CHSY3: variants seen among roughly 807,000 people sequenced by gnomAD.
CHSY3 encodes N-acetylgalactosaminyl-proteoglycan 3-beta-glucuronosyltransferase 3.
In CHSY3, 35 loss-of-function variants were observed where a neutral mutation model predicts 67.2. The observed-to-expected ratio is 0.52, with a 90% confidence interval of 0.40 to 0.69. The LOEUF (loss-of-function observed/expected upper bound fraction) is 0.69, where lower values mean the gene tolerates loss of function less well. CHSY3 is among the 30% of genes least tolerant of loss of function. The pLI, the probability that CHSY3 is intolerant of heterozygous loss-of-function variation, is 0.00. For missense variants in CHSY3, 1,069 were observed against 1,138.5 expected, an observed-to-expected ratio of 0.94 and a Z score of 0.88; for synonymous variants, 474 against 434.7, an observed-to-expected ratio of 1.09 and a Z score of -1.12.
At chr5:129,986,694 G>A (rs527644811) in intron 2 of CHSY3, among the ~76,000 whole-genome samples, 2 of 152,172 alleles carry the variant, frequency 1.3e-5, no homozygotes, top group East Asian at 1.9e-4. Flanking sequence ...CCAGGCTAGA[G>A]TACAGCGGCA....
intron 2 of CHSY3, among the ~76,000 whole-genome samples, chr5:129,984,076 T>A (rs1763100560): frequency 6.6e-6 from 1 of 152,120 alleles, no homozygotes; most frequent in Non-Finnish European, 1.5e-5. Flanking sequence ...ACAAATTTGT[T>A]ACATGGGTAA....
intron 2 of CHSY3, among the ~76,000 whole-genome samples, chr5:130,162,057 A>AAAAAAAAAAAAAAAG (rs1554087189): frequency 1.3e-4 from 16 of 122,978 alleles, no homozygotes; most frequent in Non-Finnish European, 2.3e-4. Context: ...AAAAAAAAAA[A>AAAAAAAAAAAAAAAG]AAAGAAAGAA....
intron 2 of CHSY3, among the ~76,000 whole-genome samples, chr5:129,965,169 A>G (rs1375661393): frequency 2.0e-5 from 3 of 151,892 alleles, no homozygotes; most frequent in Non-Finnish European, 4.4e-5. Flanking sequence ...TATTTTGTGG[A>G]AAGAGCTCTG....
Position 129,908,266 on chromosome 5 carries a change from A to G in CHSY3, c.992A>G (p.Glu331Gly), listed in dbSNP as rs757078868. Residue 331 changes from glutamate to glycine, a missense_variant, in exon 2 of 3, where the codon GAA becomes GGA. Glu to Gly is a moderately conservative substitution (Grantham distance 98). Coordinates refer to ENST00000305031, the MANE Select transcript of CHSY3 (RefSeq NM_175856.5). ...AGGAGGATGGTGCCACATATTGGTG[A>G]ATGCCTTAGAGAAATGTACACGACT... ...VLRRMVPHIG[E>G]CLREMYTTHE... The G allele has an allele frequency of 8.7e-6, 14 of 1,613,982 alleles. No individual in the cohort carries two copies. Among genetic ancestry groups the G allele is most frequent in the Non-Finnish European group, 1.2e-5 (14 of 1,180,036 alleles).
rs73785809 is a variant in CHSY3 at position 129,916,374 on chromosome 5, G to A, written c.1086+8014G>A. Among the ~76,000 whole-genome samples the A allele has an allele frequency of 2.4e-3, 361 of 152,288 alleles. 4 individuals are homozygous for A. Among genetic ancestry groups the A allele is most frequent in the African/African-American group, 8.5e-3 (353 of 41,566 alleles). On this transcript the variant is annotated intron_variant, in intron 2 of 2. Transcript: ENST00000305031. ...ACAGGATGGCCCCCCAAACCGCGGA[G>A]CACAGAAGAGGTTCAGAGAATTCTA...
intron 2 of CHSY3, chr5:130,001,529 G>T (rs1212019597): frequency 2.1e-6 from 2 of 940,674 alleles, no homozygotes; most frequent in Non-Finnish European, 2.5e-6. Context: ...TGAGAACCAA[G>T]ATACGCAGGA....
intron 2 of CHSY3, among the ~76,000 whole-genome samples, chr5:129,994,483 C>T (rs1429913477): frequency 6.6e-6 from 1 of 152,110 alleles, no homozygotes; most frequent in African/African-American, 2.4e-5. Context: ...CACTGATACC[C>T]TTTCTTCCAG....
intron 2 of CHSY3, among the ~76,000 whole-genome samples, chr5:130,050,515 G>T (rs1765308015): frequency 6.6e-6 from 1 of 152,040 alleles, no homozygotes; most frequent in Non-Finnish European, 1.5e-5. Context: ...TAATAATTTT[G>T]TCTAATATTG....
chr5:130,134,689 G>C (rs1403250180), intron 2 of CHSY3, among the ~76,000 whole-genome samples: 2 of 152,236 alleles, frequency 1.3e-5, no homozygotes, highest in South Asian at 4.1e-4. Flanking sequence ...ATTTTTTAAT[G>C]TAGTTTTGTT....
intron 2 of CHSY3, among the ~76,000 whole-genome samples, chr5:130,178,021 G>A (rs1770107412): frequency 6.7e-6 from 1 of 150,216 alleles, no homozygotes; most frequent in Admixed American, 6.6e-5. Flanking sequence ...TAAAATTTCT[G>A]TTATATTTTA....
intron 2 of CHSY3, among the ~76,000 whole-genome samples, chr5:129,993,871 G>A (rs2149632520): frequency 6.6e-6 from 1 of 151,776 alleles, no homozygotes; most frequent in African/African-American, 2.4e-5. Flanking sequence ...TCCATGTTTA[G>A]TGCTTCCTTC....
intron 2 of CHSY3, among the ~76,000 whole-genome samples, chr5:130,087,134 A>G (rs1766666269): frequency 6.6e-6 from 1 of 152,084 alleles, no homozygotes; most frequent in South Asian, 2.1e-4. Flanking sequence ...TTATCTCAAT[A>G]GATGCAGAAA....
chr5:130,070,875 T>A (rs1220686458), intron 2 of CHSY3, among the ~76,000 whole-genome samples: 1 of 152,094 alleles, frequency 6.6e-6, no homozygotes, highest in Non-Finnish European at 1.5e-5. Context: ...GCTTTAAGAC[T>A]CAGATTTGTT....
chr5:130,059,936 T>C (rs1380356805), intron 2 of CHSY3, among the ~76,000 whole-genome samples: 1 of 152,042 alleles, frequency 6.6e-6, no homozygotes, highest in Non-Finnish European at 1.5e-5. Flanking sequence ...GCTATATTTA[T>C]TAATAACATC....
intron 2 of CHSY3, among the ~76,000 whole-genome samples, chr5:130,112,970 T>C (rs1347091496): frequency 3.9e-5 from 6 of 152,132 alleles, no homozygotes; most frequent in Non-Finnish European, 4.4e-5. Context: ...ACATAGTCAT[T>C]TGTAGCTTAT....
chr5:129,947,668 G>A (rs1761900584), intron 2 of CHSY3, among the ~76,000 whole-genome samples: 1 of 151,710 alleles, frequency 6.6e-6, no homozygotes, highest in Non-Finnish European at 1.5e-5. Context: ...TTTGGGTGGG[G>A]GCACAGCCAA....
intron 2 of CHSY3, among the ~76,000 whole-genome samples, chr5:129,959,360 T>C (rs1446391534): frequency 1.3e-5 from 2 of 152,112 alleles, no homozygotes; most frequent in South Asian, 4.1e-4. Flanking sequence ...TTTGATGCTT[T>C]CACATTTCCT....
At chr5:130,172,091 A>C (rs1270812743) in intron 2 of CHSY3, among the ~76,000 whole-genome samples, 1 of 152,066 alleles carries the variant, frequency 6.6e-6, no homozygotes, top group East Asian at 1.9e-4. Flanking sequence ...CTAGGATTAT[A>C]GTGTGCAAAA....
intron 2 of CHSY3, among the ~76,000 whole-genome samples, chr5:129,944,920 GT>G (rs568923343): frequency 6.6e-6 from 1 of 152,094 alleles, no homozygotes; most frequent in East Asian, 1.9e-4. Context: ...AAATAAGTGA[GT>G]TTTTTGTTTA....
Sources: gnomAD v4.1 joint callset for allele counts (sites outside exome capture counted in the v4.1 genomes callset) on GRCh38, gnomAD v4.1.1 for gene constraint, MANE v1.5 for transcripts, NCBI Gene and HGNC (gene_info 2026-07-23, HGNC 2026-07-21) for gene names.